Variants in LRTM1 observed in about 807,000 individuals in gnomAD.
LRTM1 encodes the protein leucine rich repeat transmembrane protein 1.
In LRTM1, 38 loss-of-function variants were observed where a neutral mutation model predicts 32.4. The ratio of observed to expected loss-of-function variants is 1.17; its 90% CI spans 0.91 to 1.54. The LOEUF (loss-of-function observed/expected upper bound fraction) is 1.54, where lower values mean the gene tolerates loss of function less well. Ranked by LOEUF, LRTM1 falls within the 40% of genes most tolerant of loss-of-function variation. The probability of loss-of-function intolerance (pLI) is 0.00; values close to 1 mark genes in which losing one functional copy is unlikely to be tolerated. For missense variants in LRTM1, 466 were observed against 415.4 expected (o/e 1.12, Z -1.06); for synonymous variants, 186 against 169.9 (o/e 1.09, Z -0.74).
chr3:54,925,667 T>C (rs966955057), intron 1 of LRTM1, among the ~76,000 whole-genome samples: 1 of 152,240 alleles, frequency 6.6e-6, no homozygotes, highest in Non-Finnish European at 1.5e-5. Context: ...TCTGTGATGA[T>C]AGAAGTGTCC....
intron 1 of LRTM1, among the ~76,000 whole-genome samples, chr3:54,948,326 A>G (rs1382450579): frequency 6.6e-6 from 1 of 152,214 alleles, no homozygotes; most frequent in African/African-American, 2.4e-5. Flanking sequence ...ACCTGACCTC[A>G]GTAAAAACTG....
intron 1 of LRTM1, among the ~76,000 whole-genome samples, chr3:54,959,700 G>T (rs1013554138): frequency 2.6e-5 from 4 of 152,106 alleles, no homozygotes; most frequent in African/African-American, 9.7e-5. Context: ...AATGAAGCCC[G>T]AGGCTTAAAT....
At chr3:54,952,905 A>T (rs1410028392) in intron 1 of LRTM1, among the ~76,000 whole-genome samples, 3 of 152,166 alleles carry the variant, frequency 2.0e-5, no homozygotes, top group African/African-American at 7.2e-5. Flanking sequence ...GGTCTGGCTT[A>T]CTTGTCTTCC....
Position 54,924,631 on chromosome 3 carries a change from A to C in LRTM1, c.592T>G (p.Phe198Val), listed in dbSNP as rs746043735. The stretch of plus-strand genomic sequence containing the variant: ...AGACATGACTGACCTTTATAGACAA[A>C]TTTCTCCAGCCAGAGTTTAAGACCG... Reference protein sequence around the residue: ...LLGLKLWLEKFVYKGGLTDGI... With the variant: ...LLGLKLWLEKVVYKGGLTDGI... Residue 198 changes from phenylalanine (F) to valine (V), a missense_variant, in exon 2 of 3, where the codon TTT (phenylalanine) becomes GTT (valine). Coordinates refer to ENST00000273286, the MANE Select transcript of LRTM1 (RefSeq NM_020678.4). 1 of 1,613,644 alleles carries C rather than the reference A, an allele frequency of 6.2e-7. No individual in the cohort carries two copies. The highest frequency in any genetic ancestry group is 8.5e-7 in the Non-Finnish European group (1 of 1,179,700).
At position 54,949,942 on chromosome 3, in the gene LRTM1, C is replaced by T. The variant is rs372039416; in HGVS notation, c.-222+16986G>A. 1.1e-4 allele frequency among the ~76,000 whole-genome samples: 16 copies of T among 152,300 alleles called. No individual in the cohort carries two copies. The East Asian group carries it at 2.3e-3, about 22-fold the overall frequency. On this transcript the variant is annotated intron_variant, in intron 1 of 2. Transcript: ENST00000493075. ...GAGGGCCACCCCAAATAATGTTTCT[C>T]TAGCTATTAAAGGCTTCATCAGGCA...
chr3:54,948,225 A>G (rs189449001), intron 1 of LRTM1, among the ~76,000 whole-genome samples: 71 of 152,318 alleles, frequency 4.7e-4, no homozygotes, highest in African/African-American at 1.7e-3. Flanking sequence ...TTTTGACTAG[A>G]AAAGTATGTG....
chr3:54,953,903 C>T (rs1311802205), intron 1 of LRTM1, among the ~76,000 whole-genome samples: 1 of 152,126 alleles, frequency 6.6e-6, no homozygotes, highest in African/African-American at 2.4e-5. Flanking sequence ...TGAGGTCACC[C>T]CGTTTTGCTA....
chr3:54,960,076 C>CAAA (rs10716957), intron 1 of LRTM1, among the ~76,000 whole-genome samples: 2 of 82,028 alleles, frequency 2.4e-5, no homozygotes, highest in Non-Finnish European at 3.2e-5. Flanking sequence ...TCTGACAGGA[C>CAAA]AAAAAAAAAA....
intron 1 of LRTM1, among the ~76,000 whole-genome samples, chr3:54,957,125 A>G (rs188891851): frequency 8.0e-4 from 122 of 152,008 alleles, no homozygotes; most frequent in African/African-American, 2.8e-3. Context: ...TATGATTACT[A>G]TGTGATATAA....
In LRTM1 at chr3:54,925,004, C is replaced by T. The variant is rs1344753782; in HGVS notation, c.219G>A (p.Val73=). Residue 73 remains valine (V), a synonymous_variant, in exon 2 of 3, where the codon GTG becomes GTA. Coordinates refer to ENST00000273286, the MANE Select transcript of LRTM1 (RefSeq NM_020678.4). ...ACAAGTTTAAGGTCATGAGCCATGGCACTGACCTAAATGCAAAAGCAGGAA... is the reference window on the plus strand; with the variant it reads ...ACAAGTTTAAGGTCATGAGCCATGGTACTGACCTAAATGCAAAAGCAGGAA... ...HHLPAFAFRS[V]PWLMTLNLSN... is the part of the protein sequence containing the mutation. 6.2e-7 allele frequency: 1 copy of T among 1,614,056 alleles called. No individual in the cohort carries two copies. Among genetic ancestry groups the T allele is most frequent in the Non-Finnish European group, 8.5e-7 (1 of 1,179,958 alleles).
At chr3:54,955,928 T>A (rs971711543) in intron 1 of LRTM1, among the ~76,000 whole-genome samples, 1 of 152,124 alleles carries the variant, frequency 6.6e-6, no homozygotes, top group Non-Finnish European at 1.5e-5. Context: ...ATCTGCCTGA[T>A]GAAGAGAAAA....
intron 1 of LRTM1, among the ~76,000 whole-genome samples, chr3:54,942,738 A>T (rs996797457): frequency 6.6e-6 from 1 of 151,946 alleles, no homozygotes; most frequent in Non-Finnish European, 1.5e-5. Flanking sequence ...AAATAAAAAA[A>T]ATTAGGCCAG....
chr3:54,921,941 T>C (rs1575376349), intron 2 of LRTM1, among the ~76,000 whole-genome samples: 2 of 149,078 alleles, frequency 1.3e-5, no homozygotes, highest in African/African-American at 2.4e-5. Flanking sequence ...TTGACTCATA[T>C]CTGTTCCCTT....
At chr3:54,951,163 TG>T (rs1283732111) in intron 1 of LRTM1, among the ~76,000 whole-genome samples, 9 of 152,204 alleles carry the variant, frequency 5.9e-5, no homozygotes, top group Non-Finnish European at 1.3e-4. Flanking sequence ...TGTAATATTT[TG>T]GGGCATAACT....
At chr3:54,932,090 G>A (rs1701204458), upstream of LRTM1, among the ~76,000 whole-genome samples, 1 of 152,088 alleles carries the variant, frequency 6.6e-6, no homozygotes, top group South Asian at 2.1e-4. Context: ...GCTGAGGTAG[G>A]AGGATCACCT....
chr3:54,926,047 A>G (rs1178506643), intron 1 of LRTM1, among the ~76,000 whole-genome samples: 2 of 152,184 alleles, frequency 1.3e-5, no homozygotes, highest in Admixed American at 1.3e-4. Context: ...TTCAACTCAG[A>G]AGAGCAATGC....
At chr3:54,965,996 C>T (rs79724364) in intron 1 of LRTM1, among the ~76,000 whole-genome samples, 5,350 of 152,134 alleles carry the variant, frequency 0.035, 157 homozygotes, top group East Asian at 0.054. Flanking sequence ...AAGATGAAAG[C>T]GCCCCAAGGA....
intron 1 of LRTM1, among the ~76,000 whole-genome samples, chr3:54,944,722 C>G (rs1429458171): frequency 2.0e-5 from 3 of 152,068 alleles, no homozygotes; most frequent in Admixed American, 2.0e-4. Flanking sequence ...CGCCCAGCCT[C>G]CAAGAGTTAT....
rs758470803 is a variant in LRTM1 at position 54,924,875 on chromosome 3, T to G, written c.348A>C (p.Arg116Ser). ...TQNSLLSLES[R>S]LFHSLPQLRE... Reference sequence around the variant, plus strand: ...TCAGCTGAGGGAGGGAATGGAAAAGTCTGCTTTCCAGGGAAAGGAGTGAAT... The same window carrying G: ...TCAGCTGAGGGAGGGAATGGAAAAGGCTGCTTTCCAGGGAAAGGAGTGAAT... Residue 116 changes from arginine (R) to serine (S), a missense_variant, in exon 2 of 3, where the codon AGA (arginine) becomes AGC (serine). By Grantham distance (110) the Arg-to-Ser change is moderately radical. Coordinates refer to ENST00000273286, the MANE Select transcript of LRTM1 (RefSeq NM_020678.4). 6.2e-7 allele frequency: 1 copy of G among 1,613,798 alleles called. No individual in the cohort carries two copies. Among genetic ancestry groups the G allele is most frequent in the Non-Finnish European group, 8.5e-7 (1 of 1,179,768 alleles).
Sources: allele counts gnomAD v4.1 joint callset (sites outside exome capture counted in the v4.1 genomes callset), GRCh38; gene constraint gnomAD v4.1.1; transcripts MANE v1.5; gene names NCBI Gene and HGNC (gene_info 2026-07-23, HGNC 2026-07-21).